Variants in CELF2 observed in about 807,000 individuals in gnomAD.
The protein encoded by CELF2 is CUGBP Elav-like family member 2, also known as CUG triplet repeat RNA-binding protein 2.
CELF2 carries 8 observed loss-of-function variants against 62.6 expected under a neutral mutation model. The ratio of observed to expected loss-of-function variants is 0.13; its 90% CI spans 0.07 to 0.23. The LOEUF (loss-of-function observed/expected upper bound fraction) is 0.23. Among genes scored for constraint, CELF2 ranks in the 10% least tolerant of loss-of-function variants. The pLI, the probability that CELF2 is intolerant of heterozygous loss-of-function variation, is 1.00. For synonymous variants in CELF2, 258 were observed against 250.0 expected (o/e 1.03, Z -0.30); for missense variants, 333 against 671.0 (o/e 0.50, Z 5.56).
the CELF2 span, among the ~76,000 whole-genome samples, chr10:10,502,112 A>G: frequency 1.3e-5 from 2 of 151,976 alleles, no homozygotes; most frequent in Admixed American, 6.6e-5. Flanking sequence ...AATAAACCCT[A>G]TTTAGTCTTG....
rs911831421 is a variant in CELF2 at position 11,290,066 on chromosome 10, A to C, written c.976+1514A>C. Among the ~76,000 whole-genome samples the C allele has an allele frequency of 2.0e-5, 3 of 152,188 alleles. No individual in the cohort carries two copies. Among genetic ancestry groups the C allele is most frequent in the African/African-American group, 7.2e-5 (3 of 41,430 alleles). ...CCAAAGGAGGCTTGACAGTTTAAGA[A>C]GCCAAATGCAGAAGCAGCTGTCGGC... On this transcript the variant is annotated intron_variant, in intron 9 of 12. Coordinates refer to ENST00000633077, the MANE Select transcript of CELF2 (RefSeq NM_001326342.2). This position sits in a 1 kb window ranked among gnomAD's most constrained non-coding sequence, Gnocchi z 4.3.
rs376948785 is a variant in CELF2, at chr10:11,313,075, T to C, written c.977-1064T>C. ...CTGTGTATTAGAGATGTAGCCAAAA[T>C]ACAAACAGATAAGTAAAAAGATGGC... is the stretch of plus-strand genomic sequence containing the variant. On this transcript the variant is annotated intron_variant, in intron 9 of 12. Coordinates refer to ENST00000633077, the MANE Select transcript of CELF2 (RefSeq NM_001326342.2). Among the ~76,000 whole-genome samples, 30 of 152,194 alleles carry C rather than the reference T, an allele frequency of 2.0e-4. No individual in the cohort carries two copies. In the East Asian group the frequency reaches 2.9e-3, roughly 15 times the overall value.
chr10:10,897,750 T>C (rs943174040), intron 1 of CELF2, among the ~76,000 whole-genome samples: 12 of 152,190 alleles, frequency 7.9e-5, no homozygotes, highest in Non-Finnish European at 1.2e-4. Context: ...GAGCATTATA[T>C]CAGCAGAAAC....
intron 1 of CELF2, among the ~76,000 whole-genome samples, chr10:10,903,155 T>A (rs1045378990): frequency 5.3e-5 from 8 of 152,182 alleles, no homozygotes; most frequent in Non-Finnish European, 1.2e-4. Context: ...ACTGTGTATA[T>A]CAGCTAAGTG....
chr10:10,866,804 C>T (rs186242805), intron 1 of CELF2, among the ~76,000 whole-genome samples: 16 of 150,824 alleles, frequency 1.1e-4, no homozygotes, highest in Admixed American at 9.3e-4. Context: ...CCTATAATCC[C>T]AGCTACCCGG....
chr10:11,020,115 C>T (rs1730213356), intron 1 of CELF2, among the ~76,000 whole-genome samples: 1 of 152,208 alleles, frequency 6.6e-6, no homozygotes, highest in South Asian at 2.1e-4. Flanking sequence ...GCGATTTGCT[C>T]TGAACTGAGC....
the CELF2 span, among the ~76,000 whole-genome samples, chr10:10,506,670 ATTTTTTTTTTTTTTTTT>A: frequency 3.1e-5 from 2 of 64,556 alleles, no homozygotes; most frequent in African/African-American, 1.2e-4. Context: ...CCTCCTGTGA[ATTTTTTTTTTTTTTTTT>A]TTTTTTTTTT....
the CELF2 span, among the ~76,000 whole-genome samples, chr10:10,596,936 T>C: frequency 6.6e-6 from 1 of 152,166 alleles, no homozygotes; most frequent in Non-Finnish European, 1.5e-5. Flanking sequence ...TTCTTCCTCC[T>C]CCACCCAGAA....
chr10:10,534,226 A>G, the CELF2 span, among the ~76,000 whole-genome samples: 5,553 of 149,404 alleles, frequency 0.037, 332 homozygotes, highest in African/African-American at 0.13. Context: ...AAAAAAAAAA[A>G]AAAGAAAAAG....
At chr10:10,598,751 CTTTTTTTTTTTT>C in the CELF2 span, among the ~76,000 whole-genome samples, 2 of 69,586 alleles carry the variant, frequency 2.9e-5, no homozygotes, top group African/African-American at 9.5e-5. Context: ...CTTTTTCTTT[CTTTTTTTTTTTT>C]TTTTTTTTTT....
At chr10:10,777,713 CTG>C in the CELF2 span, among the ~76,000 whole-genome samples, 8 of 152,160 alleles carry the variant, frequency 5.3e-5, no homozygotes, top group Admixed American at 1.3e-4. Flanking sequence ...CTGCTGAAAT[CTG>C]TGTGTGGTCC....
chr10:11,069,881 A>G (rs1486752368), intron 1 of CELF2, among the ~76,000 whole-genome samples: 1 of 152,230 alleles, frequency 6.6e-6, no homozygotes, highest in Admixed American at 6.5e-5. Context: ...GCTAGAACCT[A>G]TTAGAGCTAC....
intron 1 of CELF2, among the ~76,000 whole-genome samples, chr10:10,857,646 ATAG>A (rs1173540265): frequency 4.1e-4 from 29 of 70,382 alleles, no homozygotes; most frequent in African/African-American, 1.6e-3. Flanking sequence ...CTACATATAT[ATAG>A]TATATATATA....
At chr10:10,741,459 A>G in the CELF2 span, among the ~76,000 whole-genome samples, 1 of 135,332 alleles carries the variant, frequency 7.4e-6, no homozygotes, top group African/African-American at 2.8e-5. Context: ...GCGCCACTGC[A>G]CTCCAGCCTG....
chr10:11,072,544 C>G (rs1175731784), intron 1 of CELF2, among the ~76,000 whole-genome samples: 1 of 152,186 alleles, frequency 6.6e-6, no homozygotes, highest in African/African-American at 2.4e-5. Flanking sequence ...TCTTTGACAG[C>G]CTCTTTGAGC....
chr10:10,863,120 C>G (rs77664167), intron 1 of CELF2, among the ~76,000 whole-genome samples: 2 of 152,154 alleles, frequency 1.3e-5, no homozygotes, highest in Non-Finnish European at 2.9e-5. Context: ...AAGCGAAAAC[C>G]GTACAGTGGT....
rs1048162435 is a variant in CELF2, at chr10:11,192,054, C to G, written c.272-25371C>G. ...CACCTGCTCTTCTCCATGTTCAGCC[C>G]CTTCCTGAGCACACTCATCAGGTTT... On this transcript the variant is annotated intron_variant, in intron 2 of 12. Transcript: ENST00000633077. Among the ~76,000 whole-genome samples, 13 of 152,304 alleles carry G rather than the reference C, an allele frequency of 8.5e-5. No homozygotes were observed. The East Asian group carries it at 1.7e-3, about 20-fold the overall frequency.
At chr10:10,982,907 T>TG (rs540353825) in intron 2 of CELF2, among the ~76,000 whole-genome samples, 1,665 of 97,202 alleles carry the variant, frequency 0.017, 21 homozygotes, top group African/African-American at 0.046. Flanking sequence ...CTGGTGTGTG[T>TG]TTTTTTTTTT....
At chr10:10,865,064 C>T (rs937022654) in intron 1 of CELF2, among the ~76,000 whole-genome samples, 11 of 152,044 alleles carry the variant, frequency 7.2e-5, no homozygotes, top group African/African-American at 1.9e-4. Flanking sequence ...TTAATAAGTG[C>T]CCTTGGAAGG....
Sources: gnomAD v4.1 joint callset for allele counts (sites outside exome capture counted in the v4.1 genomes callset) on GRCh38, gnomAD v4.1.1 for gene constraint, Gnocchi (gnomAD v3.1) non-coding constraint, MANE v1.5 for transcripts, NCBI Gene and HGNC (gene_info 2026-07-23, HGNC 2026-07-21) for gene names.